RELN: variants seen among roughly 807,000 people sequenced by gnomAD.
RELN encodes reelin.
A neutral mutation model predicts 427.6 loss-of-function variants in RELN; 108 were observed. The ratio of observed to expected loss-of-function variants is 0.25; its 90% confidence interval spans 0.22 to 0.30. The LOEUF (loss-of-function observed/expected upper bound fraction) is 0.30, where lower values mean the gene tolerates loss of function less well. Ranked by LOEUF, RELN falls within the 10% of genes least tolerant of loss-of-function variation. The pLI is 1.00. For missense variants in RELN, 3,715 were observed against 4,302.8 expected, an observed-to-expected ratio of 0.86 and a Z score of 3.82; for synonymous variants, 1,524 against 1,513.4, an observed-to-expected ratio of 1.01 and a Z score of -0.16.
intron 6 of RELN, among the ~76,000 whole-genome samples, chr7:103,739,530 T>G (rs889786610): frequency 3.9e-5 from 6 of 152,218 alleles, no homozygotes; most frequent in African/African-American, 1.4e-4. Context: ...CCTCTTGGGT[T>G]CAATGGCACA....
chr7:103,888,833 C>G (rs1794781553), intron 2 of RELN, among the ~76,000 whole-genome samples: 1 of 152,184 alleles, frequency 6.6e-6, no homozygotes, highest in Non-Finnish European at 1.5e-5. Context: ...CTACACAACA[C>G]TGCGAGGCAG....
At chr7:103,932,505 A>G (rs544421532) in intron 1 of RELN, among the ~76,000 whole-genome samples, 3 of 152,320 alleles carry the variant, frequency 2.0e-5, no homozygotes, top group South Asian at 4.1e-4. Context: ...GTTTACCTAT[A>G]TAACAAATCT....
intron 3 of RELN, among the ~76,000 whole-genome samples, chr7:103,786,517 C>CAAAAAAAAAAAAA (rs66567252): frequency 1.0e-5 from 1 of 98,590 alleles, no homozygotes; most frequent in Admixed American, 1.1e-4. Flanking sequence ...AAAATGGAAC[C>CAAAAAAAAAAAAA]AAAAAAAAAA....
chr7:103,728,945 A>C (rs543500005), intron 6 of RELN, among the ~76,000 whole-genome samples: 79 of 152,292 alleles, frequency 5.2e-4, no homozygotes, highest in African/African-American at 1.8e-3. Flanking sequence ...TTATACTATA[A>C]AACGAAGTGG....
rs145089397 is a variant in RELN, at chr7:103,510,920, A to G, written c.8205T>C (p.His2735=). 4 of 1,613,148 alleles carry G rather than the reference A, an allele frequency of 2.5e-6. No homozygotes were observed. The African/African-American group carries it at 5.3e-5, about 22-fold the overall frequency. The stretch of plus-strand genomic sequence containing the variant: ...TCACTGCATACACCTCCCGTCCATC[A>G]TGACTGCCACAGAGCATCACACCAT... The part of the protein sequence containing the change: ...SPDGVMLCGS[H]DGREVYAVTH... The change falls in exon 51 of 65, where the codon CAT becomes CAC. Residue 2735 remains histidine (H), a synonymous_variant. Coordinates refer to ENST00000428762, the MANE Select transcript of RELN (RefSeq NM_005045.4).
intron 1 of RELN, among the ~76,000 whole-genome samples, chr7:103,959,010 C>T (rs975989422): frequency 1.3e-5 from 2 of 152,186 alleles, no homozygotes; most frequent in African/African-American, 4.8e-5. Flanking sequence ...TGCATGATCT[C>T]GTTTCACTGG....
At chr7:103,789,804 A>G (rs1394512513) in intron 3 of RELN, among the ~76,000 whole-genome samples, 2 of 152,228 alleles carry the variant, frequency 1.3e-5, no homozygotes, top group Non-Finnish European at 2.9e-5. Context: ...AACTAGAAAT[A>G]CCATTGCACC....
intron 1 of RELN, among the ~76,000 whole-genome samples, chr7:103,941,923 T>C (rs1796123112): frequency 1.3e-5 from 2 of 151,600 alleles, no homozygotes; most frequent in Admixed American, 1.3e-4. Flanking sequence ...ATGTACATCA[T>C]AATGTCAAAA....
In RELN at chr7:103,630,057, G is replaced by A; in HGVS notation, c.2585C>T (p.Thr862Ile). The change falls in exon 20 of 65, where the codon ACA (threonine) becomes ATA (isoleucine). Residue 862 changes from threonine (T) to isoleucine (I), a missense_variant. Thr to Ile is a moderately conservative substitution (Grantham distance 89). Transcript: ENST00000428762. ...DVWAIDEIIMTSVLFNSISLD... is the reference protein window; with the variant it reads ...DVWAIDEIIMISVLFNSISLD... Reference sequence around the variant, plus strand: ...ACTAATGCTGTTGAAAAGCACAGATGTCATGATAATCTCATCAATAGCCCA... The same window carrying A: ...ACTAATGCTGTTGAAAAGCACAGATATCATGATAATCTCATCAATAGCCCA... 3 of 1,612,878 alleles carry A rather than the reference G, an allele frequency of 1.9e-6. No homozygotes were observed. The highest frequency in any genetic ancestry group is 2.5e-6 in the Non-Finnish European group (3 of 1,178,978).
At chr7:103,816,009 G>A (rs1382965824) in intron 3 of RELN, among the ~76,000 whole-genome samples, 1 of 152,142 alleles carries the variant, frequency 6.6e-6, no homozygotes, top group Non-Finnish European at 1.5e-5. Flanking sequence ...GAAAAAAAAG[G>A]CACTTCTGAT....
At chr7:103,683,015 T>C (rs1562955254) in intron 10 of RELN, among the ~76,000 whole-genome samples, 1 of 152,190 alleles carries the variant, frequency 6.6e-6, no homozygotes, top group East Asian at 1.9e-4. Flanking sequence ...AAAATTATTA[T>C]AAGTTTGCAT....
chr7:103,743,078 C>A (rs11980218), intron 6 of RELN, among the ~76,000 whole-genome samples: 90,774 of 144,626 alleles, frequency 0.63, 29,635 homozygotes, highest in African/African-American at 0.8. Context: ...CAGAAACTCT[C>A]CAAGCCAGAA....
chr7:103,811,901 T>C (rs141773734), intron 3 of RELN, among the ~76,000 whole-genome samples: 2 of 152,338 alleles, frequency 1.3e-5, no homozygotes, highest in African/African-American at 4.8e-5. Flanking sequence ...AAATTATGAA[T>C]CTATCCAATG....
chr7:103,934,970 A>T (rs142919857), intron 1 of RELN, among the ~76,000 whole-genome samples: 210 of 152,342 alleles, frequency 1.4e-3, no homozygotes, highest in African/African-American at 4.7e-3. Flanking sequence ...ACTAGCAGCT[A>T]AAGTGCAAAG....
chr7:103,987,460 C>G (rs12670625), intron 1 of RELN, among the ~76,000 whole-genome samples: 11,212 of 152,174 alleles, frequency 0.074, 1,064 homozygotes, highest in East Asian at 0.45. Flanking sequence ...TTTTCAATAT[C>G]GAGACCTTCC....
intron 2 of RELN, among the ~76,000 whole-genome samples, chr7:103,857,762 G>A (rs145801249): frequency 0.011 from 1,615 of 152,158 alleles, 28 homozygotes; most frequent in African/African-American, 0.036. Flanking sequence ...CCACCAATCA[G>A]GCAAATCCAG....
At chr7:103,949,106 CAT>C (rs749276836) in intron 1 of RELN, among the ~76,000 whole-genome samples, 43 of 149,756 alleles carry the variant, frequency 2.9e-4, no homozygotes, top group Non-Finnish European at 5.0e-4. Context: ...CACACGCACA[CAT>C]ATATATATGT....
intron 46 of RELN, among the ~76,000 whole-genome samples, chr7:103,528,752 C>T (rs1829877368): frequency 6.7e-6 from 1 of 148,814 alleles, no homozygotes; most frequent in African/African-American, 2.5e-5. Context: ...TGGTCTTGAA[C>T]TCATGACTTG....
Position 103,640,225 on chromosome 7 carries a change from C to G in RELN, c.2069+318G>C, listed in dbSNP as rs1832669383. Among the ~76,000 whole-genome samples, 1 of 152,022 alleles carries G rather than the reference C, an allele frequency of 6.6e-6. No homozygotes were observed. The highest frequency in any genetic ancestry group is 2.4e-5 in the African/African-American group (1 of 41,382). On this transcript the variant is annotated intron_variant, in intron 17 of 64. Coordinates refer to ENST00000428762, the MANE Select transcript of RELN (RefSeq NM_005045.4). The surrounding 1 kb of genome is among the most constrained non-coding windows in gnomAD (Gnocchi z 4.1). ...GCATGCTAGGAATTACAATGTGACT[C>G]ATGAACACCCGAACAAGTTTATGGA...
Sources: allele counts gnomAD v4.1 joint callset (sites outside exome capture counted in the v4.1 genomes callset), GRCh38; gene constraint gnomAD v4.1.1; non-coding constraint Gnocchi (gnomAD v3.1); transcripts MANE v1.5; gene names NCBI Gene and HGNC (gene_info 2026-07-23, HGNC 2026-07-21).